The following SYNE1 variants were observed in gnomAD, a reference collection of about 807,000 sequenced individuals.
The protein encoded by SYNE1 is nesprin-1.
Under a neutral mutation model 1,111.0 loss-of-function variants are expected in SYNE1, and 616 were observed. That is an observed-to-expected ratio of 0.55 (90% CI 0.52 to 0.59). The LOEUF (loss-of-function observed/expected upper bound fraction) is 0.59. Among genes scored for constraint, SYNE1 ranks in the 20% least tolerant of loss-of-function variants. The probability of loss-of-function intolerance (pLI) is 0.00; values close to 1 mark genes in which losing one functional copy is unlikely to be tolerated. For synonymous variants in SYNE1, 3,855 were observed against 3,825.8 expected, an observed-to-expected ratio of 1.01 and a Z score of -0.28; for missense variants, 10,006 against 10,417.0, an observed-to-expected ratio of 0.96 and a Z score of 1.72.
intron 59 of SYNE1, among the ~76,000 whole-genome samples, chr6:152,371,164 T>TC (rs557593745): frequency 0.015 from 2,337 of 151,424 alleles, 27 homozygotes; most frequent in Middle Eastern, 0.024. Context: ...TTTGGCTGTG[T>TC]CCCCCCCCAA....
chr6:152,205,567 A>C (rs1587779406), intron 126 of SYNE1, among the ~76,000 whole-genome samples: 2 of 152,346 alleles, frequency 1.3e-5, no homozygotes. Flanking sequence ...TCATTTAATT[A>C]TGCATTATAC....
intron 10 of SYNE1, 55 bp from the exon 11 acceptor site, chr6:152,498,847 T>A: frequency 1.9e-6 from 2 of 1,064,858 alleles, no homozygotes; most frequent in Non-Finnish European, 2.6e-6. Flanking sequence ...GGGTCAAAAA[T>A]TATTTAGAAA....
At chr6:152,233,657 A>G (rs2083308579) in intron 112 of SYNE1, 124 bp downstream of exon 112, 1 of 1,194,636 alleles carries the variant, frequency 8.4e-7, no homozygotes, top group Non-Finnish European at 1.2e-6. Flanking sequence ...ACAACGGGAG[A>G]GAGAAGAGGC....
intron 3 of SYNE1, among the ~76,000 whole-genome samples, chr6:152,611,864 C>T (rs969186266): frequency 9.2e-5 from 14 of 151,920 alleles, no homozygotes; most frequent in South Asian, 2.1e-4. Context: ...CTCACAACTA[C>T]GTGGAAACTG....
chr6:152,588,186 C>A (rs2099546772), intron 3 of SYNE1, among the ~76,000 whole-genome samples: 1 of 152,130 alleles, frequency 6.6e-6, no homozygotes, highest in African/African-American at 2.4e-5. Context: ...TGTCTCAAAT[C>A]AGACTTAGGA....
intron 135 of SYNE1, 58 bp downstream of exon 135, chr6:152,151,495 C>A: frequency 6.2e-7 from 1 of 1,607,974 alleles, no homozygotes; most frequent in Non-Finnish European, 8.5e-7. Flanking sequence ...AAAAGAGCCA[C>A]AAATCCTTTC....
In SYNE1 at chr6:152,369,588, A is replaced by G. The variant is rs372300999; in HGVS notation, c.9534T>C (p.Phe3178=). Residue 3178 remains phenylalanine (F), a synonymous_variant, in exon 60 of 146, where the codon TTT becomes TTC. Coordinates refer to ENST00000367255, the MANE Select transcript of SYNE1 (RefSeq NM_182961.4). ...CCTGGATAGGCTCAGCACTTACTTC[A>G]AAGTCCTTCATTTGGATCTTTAGAT... The part of the protein sequence containing the change: ...LENLKIQMKD[F]EVSAEPIQDW... The G allele has an allele frequency of 3.7e-6, 6 of 1,614,154 alleles. No homozygotes were observed. Among genetic ancestry groups the G allele is most frequent in the Non-Finnish European group, 5.1e-6 (6 of 1,180,020 alleles).
At chr6:152,381,401 GA>G (rs1278562938) in intron 55 of SYNE1, 39 bp from the exon 56 acceptor site, 3 of 1,600,230 alleles carry the variant, frequency 1.9e-6, no homozygotes, top group Non-Finnish European at 2.6e-6. Context: ...AAGAGCCTGT[GA>G]GTCACTTGGA....
intron 39 of SYNE1, 45 bp from the exon 40 acceptor site, chr6:152,419,767 A>G: frequency 5.6e-6 from 9 of 1,602,846 alleles, no homozygotes; most frequent in Non-Finnish European, 7.7e-6. Flanking sequence ...ATAAGTAAAC[A>G]GAAAGGATTA....
Position 152,404,204 on chromosome 6 carries a change from A to G in SYNE1, c.6825+9T>C. On this transcript the variant is annotated intron_variant, in intron 46 of 145. Transcript: ENST00000367255. ...GATGGAAGTCTAGTAGTTATTACAAAATGCTTACCTGAAGGTCTGGCGGTG... is the reference window on the plus strand; with the variant it reads ...GATGGAAGTCTAGTAGTTATTACAAGATGCTTACCTGAAGGTCTGGCGGTG... 1 of 1,608,160 alleles carries G rather than the reference A, an allele frequency of 6.2e-7. No individual in the cohort carries two copies. Among genetic ancestry groups the G allele is most frequent in the Non-Finnish European group, 8.5e-7 (1 of 1,175,344 alleles).
At chr6:152,165,237 C>T (rs12213919) in intron 130 of SYNE1, among the ~76,000 whole-genome samples, 23,929 of 152,078 alleles carry the variant, frequency 0.16, 1,967 homozygotes, top group African/African-American at 0.19. Context: ...CACACTGTTC[C>T]GAAGAAAATG....
chr6:152,463,160 T>A (rs1399531490), intron 19 of SYNE1, among the ~76,000 whole-genome samples, 193 bp downstream of exon 19: 2 of 152,190 alleles, frequency 1.3e-5, no homozygotes, highest in Non-Finnish European at 2.9e-5. Flanking sequence ...ATCAAACTAA[T>A]GCATTTGTGT....
At chr6:152,484,751 A>C in intron 13 of SYNE1, 84 bp downstream of exon 13, 1 of 1,456,578 alleles carries the variant, frequency 6.9e-7, no homozygotes, top group Non-Finnish European at 9.5e-7. Flanking sequence ...ACCTGTTGCC[A>C]TACCACTGTG....
chr6:152,415,216 AAC>A lies in SYNE1; in HGVS notation c.6050+1169_6050+1170del, dbSNP rs942131183. On this transcript the variant is annotated intron_variant, in intron 41 of 145. Transcript: ENST00000367255. ...GAAAAGAAGGCTACAGTTTTAAGAA[AAC>A]AGTTACTTTTCAAATTTACTAAGGG... 4.6e-5 allele frequency among the ~76,000 whole-genome samples: 7 copies of A among 152,312 alleles called. No individual in the cohort carries two copies. In the East Asian group the frequency reaches 1.2e-3, roughly 25 times the overall value.
chr6:152,151,712 G>A, intron 134 of SYNE1, 22 bp from the exon 135 acceptor site: 1 of 1,611,248 alleles, frequency 6.2e-7, no homozygotes, highest in Middle Eastern at 1.7e-4. Context: ...GAGGAAAGTA[G>A]TAACAATTAT....
At chr6:152,280,164 T>A (rs570362293) in intron 97 of SYNE1, among the ~76,000 whole-genome samples, 1 of 152,220 alleles carries the variant, frequency 6.6e-6, no homozygotes. Context: ...TTATAATTAG[T>A]GTGCAACTGA....
chr6:152,285,974 G>T (rs963035970), intron 95 of SYNE1, among the ~76,000 whole-genome samples: 4 of 152,060 alleles, frequency 2.6e-5, no homozygotes, highest in African/African-American at 9.7e-5. Flanking sequence ...CTTTATATTT[G>T]CCAGCATTTC....
intron 11 of SYNE1, among the ~76,000 whole-genome samples, chr6:152,497,583 G>T (rs182831819): frequency 2.9e-4 from 44 of 152,290 alleles, no homozygotes; most frequent in Admixed American, 1.3e-3. Context: ...GCACTTGACT[G>T]CCCTGAAGAG....
intron 58 of SYNE1, among the ~76,000 whole-genome samples, chr6:152,374,631 G>A (rs144139753): frequency 9.9e-4 from 151 of 152,176 alleles, no homozygotes; most frequent in Admixed American, 3.7e-3. Context: ...AAAGTTAGCT[G>A]GGCGTGTTGA....
Sources: allele counts gnomAD v4.1 joint callset (sites outside exome capture counted in the v4.1 genomes callset), GRCh38; gene constraint gnomAD v4.1.1; transcripts MANE v1.5; gene names NCBI Gene and HGNC (gene_info 2026-07-23, HGNC 2026-07-21).